ATAD2: variants seen among roughly 807,000 people sequenced by gnomAD.
ATAD2 encodes ATPase family AAA domain containing 2, also known as ATPase family AAA domain-containing protein 2.
ATAD2 carries 62 observed loss-of-function variants against 168.9 expected under a neutral mutation model. The observed-to-expected ratio is 0.37, with a 90% CI of 0.30 to 0.45. ATAD2 has a LOEUF of 0.45. ATAD2 is among the 20% of genes least tolerant of loss of function. ATAD2 has a pLI of 1.00. For synonymous variants in ATAD2, 613 were observed against 571.6 expected, an observed-to-expected ratio of 1.07 and a Z score of -1.03; for missense variants, 1,419 against 1,667.8, an observed-to-expected ratio of 0.85 and a Z score of 2.60.
upstream of ATAD2, among the ~76,000 whole-genome samples, chr8:123,397,184 T>C (rs1334980706): frequency 7.7e-6 from 1 of 130,396 alleles, no homozygotes; most frequent in Non-Finnish European, 1.5e-5. Context: ...CAGGTTGCAG[T>C]GAGCCAAGAT....
rs770185087 is a variant in ATAD2 at position 123,333,935 on chromosome 8, G to C, written c.3421C>G (p.Pro1141Ala). The C allele has an allele frequency of 6.2e-7, 1 of 1,614,054 alleles. No homozygotes were observed. The highest frequency in any genetic ancestry group is 8.5e-7 in the Non-Finnish European group (1 of 1,179,998). The change falls in exon 24 of 28, where the codon CCA (proline) becomes GCA (alanine). Residue 1141 changes from proline to alanine, a missense_variant. This residue lies in a region of ATAD2 where 303 missense variants were observed against 304.3 expected (regional missense o/e 1.00). Coordinates refer to ENST00000287394, the MANE Select transcript of ATAD2 (RefSeq NM_014109.4). The part of the protein sequence containing the change: ...STLVGDKRSD[P>A]EQNEKLKTPS... ...GTCTTTAGCTTTTCATTCTGCTCTG[G>C]GTCTGATCTTTTATCACCAACAAGA...
intron 9 of ATAD2, among the ~76,000 whole-genome samples, chr8:123,360,672 C>T (rs1444931226): frequency 1.3e-5 from 2 of 151,858 alleles, no homozygotes; most frequent in Non-Finnish European, 2.9e-5. Flanking sequence ...ACCAGCCTAG[C>T]TTCTACTCTA....
At chr8:123,366,369 TA>T (rs1380865843) in intron 8 of ATAD2, among the ~76,000 whole-genome samples, 1 of 152,198 alleles carries the variant, frequency 6.6e-6, no homozygotes, top group Non-Finnish European at 1.5e-5. Context: ...CCTAAAGAGT[TA>T]AAAGTAGAAC....
chr8:123,319,884 T>A lies in ATAD2; in HGVS notation c.*1250A>T, dbSNP rs1410635915. The A allele has an allele frequency of 6.6e-6, 1 of 152,176 alleles. No individual in the cohort carries two copies. The highest frequency in any genetic ancestry group is 2.4e-5 in the African/African-American group (1 of 41,470). 9.4% of individuals were successfully genotyped at this position (152,176 alleles called of 1,614,324 possible). On this transcript the variant is annotated 3_prime_UTR_variant, in exon 28 of 28. Transcript: ENST00000287394. Reference sequence around the variant, plus strand: ...GTTTTCACCTTTAAAATTTATTACATAAGCTATACACACAAAATGAAATCC... The same window carrying A: ...GTTTTCACCTTTAAAATTTATTACAAAAGCTATACACACAAAATGAAATCC...
chr8:123,367,096 A>C (rs933988135), intron 8 of ATAD2, among the ~76,000 whole-genome samples: 1 of 152,134 alleles, frequency 6.6e-6, no homozygotes, highest in Non-Finnish European at 1.5e-5. Flanking sequence ...GACACCCACA[A>C]ACACTGGACC....
At chr8:123,348,589 A>AT (rs1459561071) in intron 14 of ATAD2, among the ~76,000 whole-genome samples, 6 of 152,210 alleles carry the variant, frequency 3.9e-5, no homozygotes, top group African/African-American at 1.4e-4. Flanking sequence ...AGGCACGAGA[A>AT]TTGCTTGAAT....
chr8:123,357,813 C>A, intron 11 of ATAD2, 77 bp from the exon 12 acceptor site: 1 of 1,336,560 alleles, frequency 7.5e-7, no homozygotes, highest in Non-Finnish European at 1.0e-6. Context: ...AAACCAATTT[C>A]ATGATTCATT....
At chr8:123,349,004 CTG>C (rs1395659318) in intron 14 of ATAD2, among the ~76,000 whole-genome samples, 1 of 152,160 alleles carries the variant, frequency 6.6e-6, no homozygotes, top group East Asian at 1.9e-4. Flanking sequence ...GGCTAACAAA[CTG>C]GCTAAGGATT....
chr8:123,382,153 G>A (rs909054539), intron 1 of ATAD2, among the ~76,000 whole-genome samples: 4 of 152,138 alleles, frequency 2.6e-5, no homozygotes, highest in Admixed American at 6.6e-5. Flanking sequence ...TAGAAAAACG[G>A]GCAGTGATTT....
intron 21 of ATAD2, 75 bp from the exon 22 acceptor site, chr8:123,336,607 C>T: frequency 2.7e-6 from 3 of 1,123,542 alleles, no homozygotes; most frequent in Admixed American, 5.9e-5. Flanking sequence ...CGATGCCAGG[C>T]AATATAGGAG....
chr8:123,402,155 A>C lies in ATAD2; in HGVS notation c.-2281-980T>G, dbSNP rs1586913124. ...GTGGAGGGGGCACCCCCCAGTGTCC[A>C]CCTTCGGGCATAGCCTCCCTCCATC... On this transcript the variant is annotated intron_variant, in intron 1 of 28. Transcript: ENST00000521903. This position sits in a 1 kb window ranked among gnomAD's most constrained non-coding sequence, Gnocchi z 4.8. 1.4e-6 allele frequency: 1 copy of C among 709,102 alleles called. No homozygotes were observed. The highest frequency in any genetic ancestry group is 1.7e-5 in the African/African-American group (1 of 57,322). The allele number at this position is 709,102 out of a possible 1,614,324, so 43.9% of individuals were successfully genotyped here.
At chr8:123,388,834 C>T (rs1315046945) in intron 1 of ATAD2, among the ~76,000 whole-genome samples, 1 of 151,966 alleles carries the variant, frequency 6.6e-6, no homozygotes, top group Non-Finnish European at 1.5e-5. Context: ...TGTGCCTGGC[C>T]AGTACTTTCT....
In ATAD2 at chr8:123,369,924, A is replaced by ATCATCATCATCATCATCATCG; in HGVS notation, c.807_827dup (p.Asp271_Asp277dup). The ATCATCATCATCATCATCATCG allele has an allele frequency of 1.9e-6, 3 of 1,550,574 alleles. No individual in the cohort carries two copies. The highest frequency in any genetic ancestry group is 1.7e-5 in the Admixed American group (1 of 59,090). Reference sequence around the variant, plus strand: ...CTTCTTCATCTTCATCATCTTCATCATCATCATCATCATCATCATCGTCAT... The same window carrying ATCATCATCATCATCATCATCG: ...CTTCTTCATCTTCATCATCTTCATCATCATCATCATCATCATCATCGTCATCATCATCATCATCATCGTCAT... On this transcript the variant is annotated inframe_insertion, in exon 7 of 28. Coordinates refer to ENST00000287394, the MANE Select transcript of ATAD2 (RefSeq NM_014109.4).
chr8:123,362,450 GC>G (rs1367862083), intron 8 of ATAD2, among the ~76,000 whole-genome samples: 2 of 149,378 alleles, frequency 1.3e-5, no homozygotes, highest in East Asian at 3.9e-4. Flanking sequence ...TCGCTCTATA[GC>G]CCAGGTTGGA....
At position 123,321,194 on chromosome 8, in the gene ATAD2, G is replaced by T. The variant is rs769322405; in HGVS notation, c.4132-19C>A. The T allele has an allele frequency of 6.3e-7, 1 of 1,597,740 alleles. No individual in the cohort carries two copies. The highest frequency in any genetic ancestry group is 1.3e-5 in the African/African-American group (1 of 74,170). ...CCATTTTCTAGATAAAGGGGAGGAA[G>T]AGCAAATAGTAAGTTTCAATATGGA... On this transcript the variant is annotated intron_variant, in intron 27 of 27. Transcript: ENST00000287394.
At chr8:123,374,643 G>A (rs1223924983) in intron 2 of ATAD2, among the ~76,000 whole-genome samples, 2 of 152,116 alleles carry the variant, frequency 1.3e-5, no homozygotes, top group Non-Finnish European at 2.9e-5. Flanking sequence ...TTTTAAGCTT[G>A]GAAGCCATAC....
At chr8:123,334,375 C>A (rs758321691) in intron 22 of ATAD2, 53 bp from the exon 23 acceptor site, 3 of 1,426,412 alleles carry the variant, frequency 2.1e-6, no homozygotes, top group Non-Finnish European at 2.8e-6. Context: ...TAATAATATA[C>A]CAAAAATAAA....
intron 26 of ATAD2, 63 bp from the exon 27 acceptor site, chr8:123,323,129 T>C: frequency 6.7e-7 from 1 of 1,499,264 alleles, no homozygotes. Context: ...AGATACTTAA[T>C]TTAGAAGGTT....
intron 13 of ATAD2, among the ~76,000 whole-genome samples, chr8:123,351,434 T>C (rs1331133233): frequency 6.6e-6 from 1 of 152,112 alleles, no homozygotes; most frequent in East Asian, 1.9e-4. Context: ...TGTCTCTAGA[T>C]ATCTGTCCCT....
Sources: allele counts gnomAD v4.1 joint callset (sites outside exome capture counted in the v4.1 genomes callset), GRCh38; gene constraint gnomAD v4.1.1; regional missense constraint gnomAD v4.1.1; non-coding constraint Gnocchi (gnomAD v3.1); transcripts MANE v1.5; gene names NCBI Gene and HGNC (gene_info 2026-07-23, HGNC 2026-07-21).